Variants in ZDHHC14 observed in about 807,000 individuals in gnomAD.
ZDHHC14 encodes zDHHC palmitoyltransferase 14.
A neutral mutation model predicts 47.7 loss-of-function variants in ZDHHC14; 16 were observed. The ratio of observed to expected loss-of-function variants is 0.34; its 90% CI spans 0.23 to 0.51. The LOEUF (loss-of-function observed/expected upper bound fraction) is 0.51. ZDHHC14 is among the 20% of genes least tolerant of loss of function. The probability of loss-of-function intolerance (pLI) is 0.97; values close to 1 mark genes in which losing one functional copy is unlikely to be tolerated. For missense variants in ZDHHC14, 515 were observed against 662.5 expected, an observed-to-expected ratio of 0.78 and a Z score of 2.44; for synonymous variants, 293 against 278.9, an observed-to-expected ratio of 1.05 and a Z score of -0.50.
chr6:157,640,004 G>C (rs1018029667), intron 5 of ZDHHC14, among the ~76,000 whole-genome samples: 3 of 152,196 alleles, frequency 2.0e-5, no homozygotes, highest in Admixed American at 6.5e-5. Flanking sequence ...CAGCCTCATA[G>C]GAAATGTTAC....
At chr6:157,396,935 A>C (rs1446468174) in intron 1 of ZDHHC14, among the ~76,000 whole-genome samples, 1 of 152,244 alleles carries the variant, frequency 6.6e-6, no homozygotes, top group Non-Finnish European at 1.5e-5. Flanking sequence ...TTTTTAATTT[A>C]GAAGTTGAAG....
At chr6:157,428,892 G>A (rs868634031) in intron 1 of ZDHHC14, among the ~76,000 whole-genome samples, 1 of 152,038 alleles carries the variant, frequency 6.6e-6, no homozygotes. Flanking sequence ...GATTTCACTC[G>A]AGTGACATTT....
At chr6:157,652,951 G>A (rs1777908720) in intron 7 of ZDHHC14, among the ~76,000 whole-genome samples, 1 of 152,304 alleles carries the variant, frequency 6.6e-6, no homozygotes, top group Non-Finnish European at 1.5e-5. Context: ...AAGAGCAGGG[G>A]CTTTTGAACC....
chr6:157,418,370 A>G (rs1778027398), intron 1 of ZDHHC14, among the ~76,000 whole-genome samples: 1 of 152,182 alleles, frequency 6.6e-6, no homozygotes, highest in Non-Finnish European at 1.5e-5. Flanking sequence ...TATGGAACCA[A>G]TTTATACTCC....
chr6:157,545,752 G>A (rs1456196113), intron 2 of ZDHHC14, among the ~76,000 whole-genome samples: 1 of 152,126 alleles, frequency 6.6e-6, no homozygotes, highest in East Asian at 1.9e-4. Context: ...AAGGAAAAGA[G>A]GAAGGAGAGG....
chr6:157,671,604 C>T (rs1187043567), intron 8 of ZDHHC14, among the ~76,000 whole-genome samples: 1 of 152,150 alleles, frequency 6.6e-6, no homozygotes, highest in Non-Finnish European at 1.5e-5. Flanking sequence ...ATCAGGGGTG[C>T]CTGTCGCATA....
intron 3 of ZDHHC14, among the ~76,000 whole-genome samples, chr6:157,608,629 AG>A (rs1243840212): frequency 6.6e-6 from 1 of 152,200 alleles, no homozygotes; most frequent in African/African-American, 2.4e-5. Flanking sequence ...GTGGAGACTC[AG>A]GTCAGAGTGA....
intron 1 of ZDHHC14, among the ~76,000 whole-genome samples, chr6:157,444,695 T>C (rs2114795776): frequency 6.7e-6 from 1 of 149,168 alleles, no homozygotes; most frequent in East Asian, 2.0e-4. Context: ...AAAAAAGGGA[T>C]ATACTTTGCC....
At chr6:157,635,365 G>A (rs1399478136) in intron 5 of ZDHHC14, among the ~76,000 whole-genome samples, 2 of 152,204 alleles carry the variant, frequency 1.3e-5, no homozygotes, top group Non-Finnish European at 2.9e-5. Flanking sequence ...GATCCCAGAA[G>A]GGCTGTTATT....
At chr6:157,614,097 C>T (rs926763009) in intron 3 of ZDHHC14, among the ~76,000 whole-genome samples, 6 of 152,178 alleles carry the variant, frequency 3.9e-5, no homozygotes, top group African/African-American at 1.4e-4. Flanking sequence ...CCACCGCTGG[C>T]TGGTGCACCT....
At chr6:157,426,297 C>A (rs748983172) in intron 1 of ZDHHC14, among the ~76,000 whole-genome samples, 1 of 152,016 alleles carries the variant, frequency 6.6e-6, no homozygotes, top group Non-Finnish European at 1.5e-5. Context: ...CCTAAGGACT[C>A]GACTTGGATG....
chr6:157,641,350 C>T (rs1363549348), intron 5 of ZDHHC14, among the ~76,000 whole-genome samples: 2 of 152,194 alleles, frequency 1.3e-5, no homozygotes, highest in Non-Finnish European at 2.9e-5. Flanking sequence ...GTCTGTGCTC[C>T]TGTGTCCCCA....
chr6:157,458,849 A>AGTTTTTTTTTTTTTTT (rs1434832129), intron 1 of ZDHHC14, among the ~76,000 whole-genome samples: 1 of 81,226 alleles, frequency 1.2e-5, no homozygotes, highest in African/African-American at 4.6e-5. Context: ...ATGTGGGTGG[A>AGTTTTTTTTTTTTTTT]TTTTTTTTTT....
chr6:157,388,950 TTC>T (rs1274153155), intron 1 of ZDHHC14, among the ~76,000 whole-genome samples: 2 of 152,210 alleles, frequency 1.3e-5, no homozygotes, highest in African/African-American at 4.8e-5. Context: ...TTGCTTTGTC[TTC>T]TCTCAGGGAT....
At chr6:157,664,479 G>A (rs1778470648) in intron 8 of ZDHHC14, among the ~76,000 whole-genome samples, 1 of 152,186 alleles carries the variant, frequency 6.6e-6, no homozygotes, top group African/African-American at 2.4e-5. Flanking sequence ...TTGAACGTGT[G>A]TGGGTTTGTA....
intron 2 of ZDHHC14, among the ~76,000 whole-genome samples, chr6:157,549,506 C>T (rs1055157708): frequency 7.9e-5 from 12 of 152,120 alleles, no homozygotes; most frequent in Non-Finnish European, 1.2e-4. Flanking sequence ...TAAAAAGGTA[C>T]ATCCTAGAAA....
intron 2 of ZDHHC14, among the ~76,000 whole-genome samples, chr6:157,552,057 A>G (rs1314868268): frequency 3.3e-5 from 5 of 152,168 alleles, no homozygotes; most frequent in Non-Finnish European, 5.9e-5. Context: ...CGACGGTTCC[A>G]CTGCTTAAAC....
intron 2 of ZDHHC14, among the ~76,000 whole-genome samples, chr6:157,589,197 G>A (rs1028064574): frequency 3.3e-5 from 5 of 152,024 alleles, no homozygotes; most frequent in African/African-American, 1.2e-4. Context: ...TGCAAGGGGA[G>A]GTGCTACACC....
intron 8 of ZDHHC14, among the ~76,000 whole-genome samples, chr6:157,666,181 G>C (rs1778548024): frequency 6.6e-6 from 1 of 152,104 alleles, no homozygotes; most frequent in Non-Finnish European, 1.5e-5. Context: ...GCTTATATCT[G>C]GCACTTGTTG....
Sources: gnomAD v4.1 joint callset for allele counts (sites outside exome capture counted in the v4.1 genomes callset) on GRCh38, gnomAD v4.1.1 for gene constraint, MANE v1.5 for transcripts, NCBI Gene and HGNC (gene_info 2026-07-23, HGNC 2026-07-21) for gene names.